The following PARD3B variants were observed in gnomAD, a reference collection of about 807,000 sequenced individuals.
PARD3B encodes partitioning defective 3 homolog B.
PARD3B carries 103 observed loss-of-function variants against 130.2 expected under a neutral mutation model. The observed-to-expected ratio is 0.79, with a 90% CI of 0.67 to 0.93. The LOEUF (loss-of-function observed/expected upper bound fraction) is 0.93, where lower values mean the gene tolerates loss of function less well. Among genes scored for constraint, PARD3B ranks in the 40% least tolerant of loss-of-function variants. The probability of loss-of-function intolerance (pLI) is 0.00; values close to 1 mark genes in which losing one functional copy is unlikely to be tolerated. For synonymous variants in PARD3B, 583 were observed against 553.2 expected, an observed-to-expected ratio of 1.05 and a Z score of -0.76; for missense variants, 1,609 against 1,499.2, an observed-to-expected ratio of 1.07 and a Z score of -1.21.
chr2:205,451,520 GTTA>G (rs2048103818), intron 20 of PARD3B, among the ~76,000 whole-genome samples: 1 of 151,842 alleles, frequency 6.6e-6, no homozygotes, highest in Non-Finnish European at 1.5e-5. Flanking sequence ...TAATGCAAAA[GTTA>G]TAGATTCATA....
At chr2:205,324,696 T>C (rs1288274315) in intron 18 of PARD3B, among the ~76,000 whole-genome samples, 1 of 152,104 alleles carries the variant, frequency 6.6e-6, no homozygotes, top group African/African-American at 2.4e-5. Context: ...TAGCTATTCA[T>C]CTTATTAAAA....
intron 16 of PARD3B, among the ~76,000 whole-genome samples, chr2:205,248,173 G>T (rs142966953): frequency 2.0e-5 from 3 of 152,072 alleles, no homozygotes; most frequent in Non-Finnish European, 4.4e-5. Context: ...ACTCTTCTGG[G>T]CTCAAGCAAT....
At chr2:204,558,421 A>G (rs980505063) in intron 1 of PARD3B, among the ~76,000 whole-genome samples, 3 of 152,234 alleles carry the variant, frequency 2.0e-5, no homozygotes, top group Non-Finnish European at 4.4e-5. Flanking sequence ...CAGCCAAATC[A>G]TGAGTGAACT....
At chr2:204,766,307 T>G (rs927846157) in intron 2 of PARD3B, among the ~76,000 whole-genome samples, 2 of 152,162 alleles carry the variant, frequency 1.3e-5, no homozygotes, top group African/African-American at 4.8e-5. Flanking sequence ...CTTACCTGTT[T>G]TAAAAATATT....
intron 2 of PARD3B, among the ~76,000 whole-genome samples, chr2:204,951,711 G>A (rs999587744): frequency 4.0e-4 from 61 of 152,276 alleles, no homozygotes; most frequent in African/African-American, 1.4e-3. Flanking sequence ...AGAGCCAACT[G>A]GATGATAGAA....
intron 20 of PARD3B, among the ~76,000 whole-genome samples, chr2:205,499,186 A>G (rs1171864958): frequency 6.6e-6 from 1 of 152,110 alleles, no homozygotes; most frequent in Non-Finnish European, 1.5e-5. Context: ...GGGAGGTGCT[A>G]GCTGAGCAGT....
intron 21 of PARD3B, among the ~76,000 whole-genome samples, chr2:205,500,507 G>T (rs114078020): frequency 2.0e-4 from 30 of 152,176 alleles, no homozygotes; most frequent in Non-Finnish European, 3.7e-4. Flanking sequence ...TTGAGATAAG[G>T]GCAGTTTTTG....
chr2:205,372,517 C>A (rs759176200), intron 18 of PARD3B, among the ~76,000 whole-genome samples: 2 of 151,848 alleles, frequency 1.3e-5, no homozygotes, highest in African/African-American at 2.4e-5. Context: ...AACTTTAGGA[C>A]CTGTTTTCAA....
intron 15 of PARD3B, among the ~76,000 whole-genome samples, chr2:205,231,501 A>G (rs370008473): frequency 7.7e-6 from 1 of 130,636 alleles, no homozygotes. Context: ...TAATTTTTGT[A>G]TTTTTTTTTT....
At chr2:204,789,007 G>T (rs2042108436) in intron 2 of PARD3B, among the ~76,000 whole-genome samples, 1 of 151,964 alleles carries the variant, frequency 6.6e-6, no homozygotes, top group South Asian at 2.1e-4. Context: ...ACTTGTTCCT[G>T]TTAGGCAGTT....
Position 205,090,930 on chromosome 2 carries a change from T to C in PARD3B, c.505-13496T>C, listed in dbSNP as rs183759753. On this transcript the variant is annotated intron_variant, in intron 4 of 22. Transcript: ENST00000406610. ...CAATTTCATCCTCTACCAGTTTTCA[T>C]TGCATAGGATTTTGGCCCCAAACAA... 3.5e-3 allele frequency among the ~76,000 whole-genome samples: 533 copies of C among 152,324 alleles called. 1 individual carries two copies. The highest frequency in any genetic ancestry group is 6.1e-3 in the Non-Finnish European group (416 of 68,028).
chr2:204,955,773 T>C (rs1690185744), intron 2 of PARD3B, among the ~76,000 whole-genome samples: 1 of 152,204 alleles, frequency 6.6e-6, no homozygotes. Flanking sequence ...TTGATAAATA[T>C]TTTTATTGAT....
intron 2 of PARD3B, among the ~76,000 whole-genome samples, chr2:204,796,718 A>G (rs1324507298): frequency 2.0e-5 from 3 of 152,160 alleles, no homozygotes; most frequent in Non-Finnish European, 1.5e-5. Context: ...TAGCTTTTCT[A>G]CTGTCCAGTT....
chr2:205,336,620 A>T (rs1390906463), intron 18 of PARD3B, among the ~76,000 whole-genome samples: 1 of 152,216 alleles, frequency 6.6e-6, no homozygotes, highest in Non-Finnish European at 1.5e-5. Context: ...TCATGGCCCA[A>T]ACATTTGCTA....
chr2:205,164,413 C>T (rs1238475772), intron 11 of PARD3B, among the ~76,000 whole-genome samples: 3 of 152,104 alleles, frequency 2.0e-5, no homozygotes, highest in Non-Finnish European at 2.9e-5. Context: ...TATAATCGTG[C>T]CTGTGAATAG....
intron 2 of PARD3B, among the ~76,000 whole-genome samples, chr2:204,919,443 G>A (rs1375050643): frequency 2.0e-5 from 3 of 152,070 alleles, no homozygotes; most frequent in Non-Finnish European, 4.4e-5. Context: ...TGTTTTGATT[G>A]TTTTCTACCA....
rs79718670 is a variant in PARD3B, at chr2:204,877,772, A to C, written c.223-87380A>C. Among the ~76,000 whole-genome samples, 34 of 152,314 alleles carry C rather than the reference A, an allele frequency of 2.2e-4. 1 individual carries two copies. The East Asian group carries it at 6.2e-3, about 28-fold the overall frequency. On this transcript the variant is annotated intron_variant, in intron 2 of 22. Coordinates refer to ENST00000406610, the MANE Select transcript of PARD3B (RefSeq NM_001302769.2). Reference sequence around the variant, plus strand: ...TGGTAATTTCAGTAAGTTTGCAGACAGGAGAACTGTGTGTTTCTACTTCAG... The same window carrying C: ...TGGTAATTTCAGTAAGTTTGCAGACCGGAGAACTGTGTGTTTCTACTTCAG...
intron 4 of PARD3B, among the ~76,000 whole-genome samples, chr2:205,081,050 G>T (rs759066812): frequency 1.3e-5 from 2 of 151,866 alleles, no homozygotes; most frequent in Non-Finnish European, 2.9e-5. Flanking sequence ...CAAAAACATG[G>T]GTTGTGGGTA....
intron 1 of PARD3B, among the ~76,000 whole-genome samples, chr2:204,551,892 CTT>C (rs1559151064): frequency 6.6e-6 from 1 of 152,130 alleles, no homozygotes; most frequent in African/African-American, 2.4e-5. Flanking sequence ...TTGGGCCTCT[CTT>C]GGAAAATCTA....
Sources: allele counts gnomAD v4.1 joint callset (sites outside exome capture counted in the v4.1 genomes callset), GRCh38; gene constraint gnomAD v4.1.1; transcripts MANE v1.5; gene names NCBI Gene and HGNC (gene_info 2026-07-23, HGNC 2026-07-21).